CPOX: variants seen among roughly 807,000 people sequenced by gnomAD.
CPOX encodes the protein coproporphyrinogen oxidase, also known as oxygen-dependent coproporphyrinogen-III oxidase, mitochondrial.
A neutral mutation model predicts 48.9 loss-of-function variants in CPOX; 24 were observed. That is an observed-to-expected ratio of 0.49 (90% CI 0.36 to 0.69). The LOEUF (loss-of-function observed/expected upper bound fraction) is 0.69. Ranked by LOEUF, CPOX falls within the 30% of genes least tolerant of loss-of-function variation. The pLI, the probability that CPOX is intolerant of heterozygous loss-of-function variation, is 0.00. For synonymous variants in CPOX, 249 were observed against 234.6 expected (o/e 1.06, Z -0.56); for missense variants, 549 against 597.3 (o/e 0.92, Z 0.84).
intron 5 of CPOX, among the ~76,000 whole-genome samples, chr3:98,582,692 A>G (rs1294127933): frequency 1.3e-5 from 2 of 151,960 alleles, no homozygotes; most frequent in African/African-American, 4.8e-5. Flanking sequence ...GAGGTCTCAT[A>G]GTGTTAGCCA....
At chr3:98,584,027 C>T (rs191374664) in intron 5 of CPOX, among the ~76,000 whole-genome samples, 30 of 152,272 alleles carry the variant, frequency 2.0e-4, no homozygotes, top group African/African-American at 1.9e-4. Context: ...TACACAACAA[C>T]GACTTTCAGA....
chr3:98,572,254 A>G, the CPOX span, among the ~76,000 whole-genome samples: 2 of 152,186 alleles, frequency 1.3e-5, no homozygotes, highest in South Asian at 2.1e-4. Flanking sequence ...AGCGTTTTAC[A>G]TTCACATTTT....
intron 5 of CPOX, among the ~76,000 whole-genome samples, chr3:98,584,058 G>A (rs1707311151): frequency 6.6e-6 from 1 of 152,144 alleles, no homozygotes; most frequent in Non-Finnish European, 1.5e-5. Context: ...ATCAAACGAT[G>A]TATAAAAAAC....
intron 5 of CPOX, among the ~76,000 whole-genome samples, chr3:98,583,829 G>A (rs1707305579): frequency 6.6e-6 from 1 of 152,188 alleles, no homozygotes; most frequent in Non-Finnish European, 1.5e-5. Flanking sequence ...AGAAACCAAA[G>A]ACAGTGTTGA....
At chr3:98,572,976 TACAC>T in the CPOX span, among the ~76,000 whole-genome samples, 1 of 152,212 alleles carries the variant, frequency 6.6e-6, no homozygotes, top group Non-Finnish European at 1.5e-5. Context: ...ATAATAAAAT[TACAC>T]ACAAACAGAG....
chr3:98,593,380 C>A lies in CPOX; in HGVS notation c.125G>T (p.Ser42Ile), dbSNP rs886058951. 1.8e-5 allele frequency: 25 copies of A among 1,356,974 alleles called. No homozygotes were observed. The highest frequency in any genetic ancestry group is 4.0e-5 in the Admixed American group (1 of 25,204). The allele number at this position is 1,356,974 out of a possible 1,614,324, so 84.1% of individuals were successfully genotyped here. The change falls in exon 1 of 7, where the codon AGC becomes ATC. Residue 42 changes from serine to isoleucine, a missense_variant. Physicochemically the swap from Ser to Ile is moderately radical, Grantham distance 142. This residue lies in a region of CPOX where 336 missense variants were observed against 318.1 expected (regional missense o/e 1.06). Coordinates refer to ENST00000647941, the MANE Select transcript of CPOX (RefSeq NM_000097.7). ...GGGCCGGCAGACGCGTCCGGCTGCGCTGCGCTGGGACCAGGCTCGGAGCCC... is the reference window on the plus strand; with the variant it reads ...GGGCCGGCAGACGCGTCCGGCTGCGATGCGCTGGGACCAGGCTCGGAGCCC... Reference protein sequence around the residue: ...GGGLRAWSQRSAAGRVCRPPG... With the variant: ...GGGLRAWSQRIAAGRVCRPPG...
In CPOX at chr3:98,592,980, G is replaced by C. The variant is rs750211472; in HGVS notation, c.525C>G (p.Asn175Lys). The change falls in exon 1 of 7, where the codon AAC becomes AAG. Residue 175 changes from asparagine to lysine, a missense_variant. This residue lies in a region of CPOX where 336 missense variants were observed against 318.1 expected (regional missense o/e 1.06). Transcript: ENST00000647941. ...TCCTCTCCCACCGGTCCACAGAAAA[G>C]TTGGCGCCCCCGTCTACCTGTGCCA... is the stretch of plus-strand genomic sequence containing the variant. Reference protein sequence around the residue: ...QALAQVDGGANFSVDRWERKE... With the variant: ...QALAQVDGGAKFSVDRWERKE... 1.2e-6 allele frequency: 2 copies of C among 1,613,628 alleles called. No homozygotes were observed. The highest frequency in any genetic ancestry group is 2.2e-5 in the South Asian group (2 of 90,954).
chr3:98,585,509 A>C lies in CPOX; in HGVS notation c.1104T>G (p.Leu368=). The change falls in exon 5 of 7, where the codon CTT becomes CTG. Residue 368 remains leucine (L), a synonymous_variant. Transcript: ENST00000647941. ...ATGAGTCATCACAGTGCTTTTTCAC[A>C]AGGGGAATGTAAGAAGGAACTACAG... ...ARAVVPSYIP[L]VKKHCDDSFT... The C allele has an allele frequency of 6.2e-7, 1 of 1,614,118 alleles. No individual in the cohort carries two copies. The highest frequency in any genetic ancestry group is 1.1e-5 in the South Asian group (1 of 91,076).
chr3:98,591,990 T>A lies in CPOX; in HGVS notation c.557-835A>T, dbSNP rs561760768. 6.1e-5 allele frequency among the ~76,000 whole-genome samples: 4 copies of A among 65,494 alleles called. No homozygotes were observed. In the East Asian group the frequency reaches 1.4e-3, roughly 22 times the overall value. 43.0% of individuals were successfully genotyped at this position (65,494 alleles called of 152,430 possible). ...CCATATATATATATATATATGTATA[T>A]GGATATATATATATATATATGTAGT... On this transcript the variant is annotated intron_variant, in intron 1 of 6. Transcript: ENST00000647941.
chr3:98,593,454 C>A lies in CPOX; in HGVS notation c.51G>T (p.Ala17=). The A allele has an allele frequency of 6.7e-7, 1 of 1,493,166 alleles. No individual in the cohort carries two copies. The highest frequency in any genetic ancestry group is 1.3e-5 in the South Asian group (1 of 79,736). The allele number at this position is 1,493,166 out of a possible 1,614,324, so 92.5% of individuals were successfully genotyped here. The change falls in exon 1 of 7, where the codon GCG becomes GCT. Residue 17 remains alanine, a synonymous_variant. Coordinates refer to ENST00000647941, the MANE Select transcript of CPOX (RefSeq NM_000097.7). ...CGCGGGGCCCTCCGCAGCCGCCCCGCGCCACGAGCCAGCAGGGGCCCGAGC... is the reference window on the plus strand; with the variant it reads ...CGCGGGGCCCTCCGCAGCCGCCCCGAGCCACGAGCCAGCAGGGGCCCGAGC... ...RLSSGPCWLV[A]RGGCGGPRAW...
chr3:98,588,962 T>C (rs1707421482), intron 3 of CPOX, 108 bp from the exon 4 acceptor site: 2 of 1,307,534 alleles, frequency 1.5e-6, no homozygotes, highest in African/African-American at 1.5e-5. Flanking sequence ...ATAAAATGGA[T>C]GACAATAAAA....
At chr3:98,590,974 C>T (rs1362036017) in intron 2 of CPOX, 38 bp downstream of exon 2, 1 of 1,611,132 alleles carries the variant, frequency 6.2e-7, no homozygotes, top group East Asian at 2.2e-5. Context: ...ATAAGGTTTG[C>T]AGGGACTATT....
At chr3:98,586,727 G>A (rs1349015617) in intron 4 of CPOX, among the ~76,000 whole-genome samples, 3 of 152,024 alleles carry the variant, frequency 2.0e-5, no homozygotes, top group South Asian at 2.1e-4. Context: ...GGCGGATCAC[G>A]AGGTCAGGAG....
rs1707462620 is a variant in CPOX, at chr3:98,590,707, C to G, written c.736G>C (p.Val246Leu). The change falls in exon 3 of 7, where the codon GTT becomes CTT. Residue 246 changes from valine to leucine, a missense_variant. Val to Leu is a conservative substitution (Grantham distance 32, BLOSUM62 1). This residue lies in a region of CPOX where 213 missense variants were observed against 279.1 expected (regional missense o/e 0.76). Coordinates refer to ENST00000647941, the MANE Select transcript of CPOX (RefSeq NM_000097.7). The part of the protein sequence containing the change: ...LPFCAMGVSS[V>L]IHPKNPHAPT... ...GCATGAGGATTCTTGGGGTGGATAA[C>G]AGAGCTCACGCCCATAGCACAAAAT... 6.2e-7 allele frequency: 1 copy of G among 1,613,898 alleles called. No homozygotes were observed. The highest frequency in any genetic ancestry group is 1.7e-5 in the Admixed American group (1 of 60,006).
At chr3:98,588,968 T>TA (rs886452836) in intron 3 of CPOX, 114 bp from the exon 4 acceptor site, 28 of 1,250,946 alleles carry the variant, frequency 2.2e-5, no homozygotes, top group Non-Finnish European at 2.6e-5. Context: ...TGGATGACAA[T>TA]AAAAAAAATT....
Position 98,588,011 on chromosome 3 carries a change from G to A in CPOX, c.953+702C>T, listed in dbSNP as rs114671562. 8.2e-3 allele frequency among the ~76,000 whole-genome samples: 1,246 copies of A among 152,250 alleles called. 21 individuals carry two copies. The highest frequency in any genetic ancestry group is 0.029 in the African/African-American group (1,197 of 41,538). ...AATATTCAAATGTTTCATCTTTCCT[G>A]ACGATTTTAAAGCTGAACTCCATAC... is the stretch of plus-strand genomic sequence containing the variant. On this transcript the variant is annotated intron_variant, in intron 4 of 6. Coordinates refer to ENST00000647941, the MANE Select transcript of CPOX (RefSeq NM_000097.7).
chr3:98,593,597 T>A lies in CPOX; in HGVS notation c.-93A>T. ...CCCCCGGAGTATTGAGCCGGCGAGC[T>A]GCACAGGCGGAAAGAACCTTTCGAG... is the stretch of plus-strand genomic sequence containing the variant. On this transcript the variant is annotated 5_prime_UTR_variant, in exon 1 of 7. Coordinates refer to ENST00000647941, the MANE Select transcript of CPOX (RefSeq NM_000097.7). 1 of 1,327,842 alleles carries A rather than the reference T, an allele frequency of 7.5e-7. No individual in the cohort carries two copies. Among genetic ancestry groups the A allele is most frequent in the South Asian group, 1.4e-5 (1 of 73,272 alleles). 82.3% of individuals were successfully genotyped at this position (1,327,842 alleles called of 1,614,324 possible). A position where few individuals can be genotyped will look rare whatever the true frequency, so the allele number is the denominator to read the frequency against.
At position 98,592,979 on chromosome 3, in the gene CPOX, A is replaced by C; in HGVS notation, c.526T>G (p.Phe176Val). ...TTCCTCTCCCACCGGTCCACAGAAA[A>C]GTTGGCGCCCCCGTCTACCTGTGCC... is the stretch of plus-strand genomic sequence containing the variant. ...ALAQVDGGAN[F>V]SVDRWERKEG... Residue 176 changes from phenylalanine (F) to valine (V), a missense_variant, in exon 1 of 7, where the codon TTT becomes GTT. Physicochemically the swap from Phe to Val is conservative, Grantham distance 50. Around this residue, in one of 2 missense-constraint regions of CPOX, gnomAD observed 336 missense variants for 318.1 expected, o/e 1.06. Transcript: ENST00000647941. 1.2e-6 allele frequency: 2 copies of C among 1,613,318 alleles called. No homozygotes were observed. The highest frequency in any genetic ancestry group is 1.7e-6 in the Non-Finnish European group (2 of 1,179,794).
chr3:98,571,961 G>T, the CPOX span, among the ~76,000 whole-genome samples: 1 of 152,108 alleles, frequency 6.6e-6, no homozygotes. Flanking sequence ...TTCTTATGGA[G>T]TTTGTAATTT....
Sources: gnomAD v4.1 joint callset for allele counts (sites outside exome capture counted in the v4.1 genomes callset) on GRCh38, gnomAD v4.1.1 for gene constraint, gnomAD v4.1.1 regional missense constraint, MANE v1.5 for transcripts, NCBI Gene and HGNC (gene_info 2026-07-23, HGNC 2026-07-21) for gene names.